PTBP3: variants seen among roughly 807,000 people sequenced by gnomAD.
PTBP3 encodes the protein polypyrimidine tract-binding protein 3.
A neutral mutation model predicts 58.7 loss-of-function variants in PTBP3; 20 were observed. The ratio of observed to expected loss-of-function variants is 0.34; its 90% CI spans 0.24 to 0.50. PTBP3 has a LOEUF of 0.50. Ranked by LOEUF, PTBP3 falls within the 20% of genes least tolerant of loss-of-function variation. The pLI is 0.98. For synonymous variants in PTBP3, 185 were observed against 219.8 expected (o/e 0.84, Z 1.40); for missense variants, 509 against 637.2 (o/e 0.80, Z 2.17).
At chr9:112,225,103 G>C (rs968183175) in intron 12 of PTBP3, among the ~76,000 whole-genome samples, 1 of 152,108 alleles carries the variant, frequency 6.6e-6, no homozygotes, top group Non-Finnish European at 1.5e-5. Flanking sequence ...TGAAGTCTGG[G>C]GTGGTCTGTT....
At chr9:112,241,468 T>C (rs1835658065) in intron 7 of PTBP3, among the ~76,000 whole-genome samples, 1 of 152,194 alleles carries the variant, frequency 6.6e-6, no homozygotes, top group African/African-American at 2.4e-5. Flanking sequence ...CCTCTACTCA[T>C]AGGAAGTGCC....
At position 112,221,278 on chromosome 9, in the gene PTBP3, C is replaced by A. The variant is rs545086433; in HGVS notation, c.*2573G>T. 7.7e-5 allele frequency: 76 copies of A among 984,938 alleles called. No homozygotes were observed. In the African/African-American group the frequency reaches 9.4e-4, roughly 12 times the overall value. 61.0% of individuals were successfully genotyped at this position (984,938 alleles called of 1,614,324 possible). A position where few individuals can be genotyped will look rare whatever the true frequency, so the allele number is the denominator to read the frequency against. ...ATATACACTTATCTACACACACACACATTCACACACACACACAAACACACC... is the reference window on the plus strand; with the variant it reads ...ATATACACTTATCTACACACACACAAATTCACACACACACACAAACACACC... On this transcript the variant is annotated 3_prime_UTR_variant, in exon 14 of 14. Coordinates refer to ENST00000374257, the MANE Select transcript of PTBP3 (RefSeq NM_001163788.4).
At chr9:112,274,892 C>A (rs1013428168) in intron 3 of PTBP3, among the ~76,000 whole-genome samples, 1 of 152,160 alleles carries the variant, frequency 6.6e-6, no homozygotes, top group African/African-American at 2.4e-5. Flanking sequence ...CACAATAAGT[C>A]CCTACTGCTT....
the PTBP3 span, among the ~76,000 whole-genome samples, chr9:112,352,683 G>C: frequency 6.6e-6 from 1 of 152,154 alleles, no homozygotes; most frequent in Non-Finnish European, 1.5e-5. Flanking sequence ...ACTAAAAATG[G>C]CACGGAGTGA....
At chr9:112,231,321 A>G in intron 10 of PTBP3, 59 bp downstream of exon 10, 1 of 1,388,732 alleles carries the variant, frequency 7.2e-7, no homozygotes, top group Non-Finnish European at 9.7e-7. Context: ...TTACTAAAAA[A>G]GTGAAATGTG....
At chr9:112,253,044 G>T (rs187065785) in intron 5 of PTBP3, among the ~76,000 whole-genome samples, 1 of 152,242 alleles carries the variant, frequency 6.6e-6, no homozygotes, top group Admixed American at 6.5e-5. Context: ...TAAAATAGGA[G>T]ACTACAATAA....
Position 112,223,043 on chromosome 9 carries a change from G to C in PTBP3, c.*808C>G, listed in dbSNP as rs1834857503. On this transcript the variant is annotated 3_prime_UTR_variant, in exon 14 of 14. Transcript: ENST00000374257. Reference sequence around the variant, plus strand: ...ATTATTTTTCTTTAAAATTTTCCAAGATCATATTACTTGACAAATAAGTGT... The same window carrying C: ...ATTATTTTTCTTTAAAATTTTCCAACATCATATTACTTGACAAATAAGTGT... 3.5e-6 allele frequency: 3 copies of C among 853,998 alleles called. No homozygotes were observed. Among genetic ancestry groups the C allele is most frequent in the Admixed American group, 6.2e-5 (1 of 16,074 alleles). The allele number at this position is 853,998 out of a possible 1,614,324, so 52.9% of individuals were successfully genotyped here.
At chr9:112,265,466 T>G (rs1482189083) in intron 4 of PTBP3, among the ~76,000 whole-genome samples, 4 of 151,192 alleles carry the variant, frequency 2.6e-5, no homozygotes, top group Non-Finnish European at 5.9e-5. Flanking sequence ...GAGGTTGCAG[T>G]GAGCCGAGAT....
chr9:112,379,849 CCGACA>C, the PTBP3 span: 1 of 511,658 alleles, frequency 2.0e-6, no homozygotes, highest in South Asian at 2.4e-5. Flanking sequence ...ACGCTAGGCG[CCGACA>C]GGAGCCTGAT....
rs186232885 is a variant in PTBP3, at chr9:112,301,955, A to C, written c.-51-4039T>G. 3.2e-3 allele frequency among the ~76,000 whole-genome samples: 494 copies of C among 152,296 alleles called. 15 individuals are homozygous for C. Among genetic ancestry groups the C allele is most frequent in the Admixed American group, 0.029 (441 of 15,290 alleles). On this transcript the variant is annotated intron_variant, in intron 1 of 13. Coordinates refer to ENST00000374257, the MANE Select transcript of PTBP3 (RefSeq NM_001163788.4). The stretch of plus-strand genomic sequence containing the variant: ...CTTCATTCTCAGCCAAAGGATTCCT[A>C]CTGGCTTGAGAGTCCTGCTGTCTTC...
intron 4 of PTBP3, among the ~76,000 whole-genome samples, chr9:112,266,127 T>A (rs931007066): frequency 2.6e-5 from 4 of 152,126 alleles, no homozygotes; most frequent in African/African-American, 7.2e-5. Flanking sequence ...AGTTACTGTA[T>A]AATGGATAGA....
intron 6 of PTBP3, 57 bp downstream of exon 6, chr9:112,252,621 G>T (rs1836176187): frequency 1.6e-6 from 2 of 1,264,942 alleles, no homozygotes; most frequent in East Asian, 4.6e-5. Context: ...TGGGGCACAA[G>T]AGAAGGTATC....
At chr9:112,375,612 A>C in the PTBP3 span, among the ~76,000 whole-genome samples, 2 of 152,192 alleles carry the variant, frequency 1.3e-5, no homozygotes, top group Non-Finnish European at 1.5e-5. Context: ...AGGGCAAAGA[A>C]GGCAGGGTGG....
chr9:112,223,963 A>T lies in PTBP3; in HGVS notation c.1463T>A (p.Leu488His). 2.5e-6 allele frequency: 4 copies of T among 1,612,412 alleles called. No homozygotes were observed. Among genetic ancestry groups the T allele is most frequent in the Non-Finnish European group, 3.4e-6 (4 of 1,179,222 alleles). The change falls in exon 14 of 14, where the codon CTC (leucine) becomes CAC (histidine). Residue 488 changes from leucine to histidine, a missense_variant. By Grantham distance (99) the Leu-to-His change is moderately conservative (BLOSUM62 -3). Coordinates refer to ENST00000374257, the MANE Select transcript of PTBP3 (RefSeq NM_001163788.4). Reference sequence around the variant, plus strand: ...TTCTTCCACAGATCCCAATTGAATGAGCGCCATTTTGCGATCTTTCCTGAA... The same window carrying T: ...TTCTTCCACAGATCCCAATTGAATGTGCGCCATTTTGCGATCTTTCCTGAA... ...KFFQKDRKMA[L>H]IQLGSVEEAI...
chr9:112,359,036 A>G, the PTBP3 span, among the ~76,000 whole-genome samples: 48 of 152,262 alleles, frequency 3.2e-4, 2 homozygotes, highest in Admixed American at 2.9e-3. Flanking sequence ...CAGTCTCCCA[A>G]TATTGCCCAG....
At chr9:112,291,522 T>C (rs1006500400) in intron 2 of PTBP3, among the ~76,000 whole-genome samples, 7 of 152,192 alleles carry the variant, frequency 4.6e-5, no homozygotes, top group South Asian at 2.1e-4. Context: ...GACAAACATA[T>C]AGACCAATGG....
At position 112,224,179 on chromosome 9, in the gene PTBP3, G is replaced by T. The variant is rs1472225881; in HGVS notation, c.1396C>A (p.Leu466Ile). The T allele has an allele frequency of 6.4e-7, 1 of 1,566,678 alleles. No individual in the cohort carries two copies. The highest frequency in any genetic ancestry group is 2.2e-5 in the East Asian group (1 of 44,516). The stretch of plus-strand genomic sequence containing the variant: ...ACTGAACATCCAGCTTCTATGAAAA[G>T]GTTCTTCAGATCATCCACTGTAACA... ...PSVTVDDLKN[L>I]FIEAGCSVKA... Residue 466 changes from leucine (L) to isoleucine (I), a missense_variant, in exon 13 of 14, where the codon CTT becomes ATT. Around this residue, in one of 4 missense-constraint regions of PTBP3, gnomAD observed 135 missense variants for 229.0 expected, o/e 0.59. Transcript: ENST00000374257.
At chr9:112,333,142 C>T (rs1478186711) in intron 1 of PTBP3, 4 of 1,243,364 alleles carry the variant, frequency 3.2e-6, no homozygotes, top group Non-Finnish European at 3.0e-6. Context: ...GAGCTGGGCT[C>T]CCCGGACTCG....
intron 1 of PTBP3, among the ~76,000 whole-genome samples, chr9:112,307,550 A>G (rs1359616895): frequency 1.3e-5 from 2 of 152,234 alleles, no homozygotes; most frequent in Non-Finnish European, 2.9e-5. Context: ...TTCTGAAGCA[A>G]TTATGACACT....
Sources: gnomAD v4.1 joint callset for allele counts (sites outside exome capture counted in the v4.1 genomes callset) on GRCh38, gnomAD v4.1.1 for gene constraint, gnomAD v4.1.1 regional missense constraint, MANE v1.5 for transcripts, NCBI Gene and HGNC (gene_info 2026-07-23, HGNC 2026-07-21) for gene names.